SPTA1: variants seen among roughly 807,000 people sequenced by gnomAD.
SPTA1 encodes the protein spectrin alpha, erythrocytic 1, also known as spectrin alpha chain, erythrocytic 1.
In SPTA1, 177 loss-of-function variants were observed where a neutral mutation model predicts 324.7. The observed-to-expected ratio is 0.55, with a 90% CI of 0.48 to 0.62. SPTA1 has a LOEUF of 0.62. SPTA1 is among the 20% of genes least tolerant of loss of function. SPTA1 has a pLI of 0.00. For synonymous variants in SPTA1, 1,195 were observed against 1,041.3 expected (o/e 1.15, Z -2.84); for missense variants, 3,162 against 2,883.6 (o/e 1.10, Z -2.21).
At chr1:158,615,434 A>T in intron 47 of SPTA1, 31 bp from the exon 48 acceptor site, 1 of 1,611,842 alleles carries the variant, frequency 6.2e-7, no homozygotes, top group Non-Finnish European at 8.5e-7. Flanking sequence ...AGAGACAATT[A>T]GTTGCCCAGG....
Position 158,636,680 on chromosome 1 carries a change from G to A in SPTA1, c.5271C>T (p.Arg1757=), listed in dbSNP as rs924710142. 3.1e-6 allele frequency: 5 copies of A among 1,614,046 alleles called. No individual in the cohort carries two copies. Among genetic ancestry groups the A allele is most frequent in the Admixed American group, 1.7e-5 (1 of 60,000 alleles). The stretch of plus-strand genomic sequence containing the variant: ...CATGGGCCACCAGCTCCCCCTCTAG[G>A]CGTTTGTGCTTCTTCAGCAAGTTCT... The part of the protein sequence containing the change: ...GVQNLLKKHK[R]LEGELVAHEP... Residue 1757 remains arginine, a synonymous_variant, in exon 37 of 52, where the codon CGC becomes CGT. Coordinates refer to ENST00000643759, the MANE Select transcript of SPTA1 (RefSeq NM_003126.4).
At chr1:158,615,453 T>C in intron 47 of SPTA1, 50 bp from the exon 48 acceptor site, 2 of 1,585,680 alleles carry the variant, frequency 1.3e-6, no homozygotes, top group Non-Finnish European at 1.7e-6. Context: ...GGTTACCAGC[T>C]CAAAACCTAG....
intron 12 of SPTA1, 58 bp from the exon 13 acceptor site, chr1:158,669,844 C>T: frequency 6.5e-7 from 1 of 1,544,940 alleles, no homozygotes; most frequent in Non-Finnish European, 8.9e-7. Flanking sequence ...GAGTAAGTGG[C>T]CATAGTTTGG....
intron 43 of SPTA1, chr1:158,620,756 C>A: frequency 3.7e-6 from 1 of 271,724 alleles, no homozygotes. Context: ...TTTAAAATTC[C>A]AAAAGTAGCA....
In SPTA1 at chr1:158,654,739, C is replaced by G; in HGVS notation, c.2908G>C (p.Ala970Pro). The change falls in exon 21 of 52, where the codon GCT (alanine) becomes CCT (proline). Residue 970 changes from alanine to proline, a missense_variant. By Grantham distance (27) the Ala-to-Pro change is conservative. Transcript: ENST00000643759. ...CCAGCAACTCCCTCCACTGGTGCAG[C>G]CTGTTGTTGCTGAATAAAAACAGGA... Reference protein sequence around the residue: ...NQANACQQQQAAPVEGVAGEQ... With the variant: ...NQANACQQQQPAPVEGVAGEQ... 6.2e-7 allele frequency: 1 copy of G among 1,613,556 alleles called. No individual in the cohort carries two copies.
chr1:158,665,918 A>T lies in SPTA1; in HGVS notation c.2220+398T>A, dbSNP rs189263030. 5.4e-3 allele frequency among the ~76,000 whole-genome samples: 826 copies of T among 152,232 alleles called. 9 individuals are homozygous for T. The highest frequency in any genetic ancestry group is 0.014 in the Middle Eastern group (4 of 294). On this transcript the variant is annotated intron_variant, in intron 16 of 51. Coordinates refer to ENST00000643759, the MANE Select transcript of SPTA1 (RefSeq NM_003126.4). ...ATCACATAACTAGTAAGCCACAAGG[A>T]TGTATATACAACCCAGATTTCTAGA...
chr1:158,623,248 C>T (rs1425105997), intron 42 of SPTA1, 56 bp from the exon 43 acceptor site: 2 of 1,446,096 alleles, frequency 1.4e-6, no homozygotes, highest in Non-Finnish European at 1.9e-6. Flanking sequence ...GGGTCATTCA[C>T]ATCTGGGTTC....
chr1:158,671,375 C>T lies in SPTA1; in HGVS notation c.1567G>A (p.Glu523Lys), dbSNP rs1457302083. The change falls in exon 12 of 52, where the codon GAA (glutamate) becomes AAA (lysine). Residue 523 changes from glutamate (E) to lysine (K), a missense_variant. Physicochemically the swap from Glu to Lys is moderately conservative, Grantham distance 56 (BLOSUM62 1). Coordinates refer to ENST00000643759, the MANE Select transcript of SPTA1 (RefSeq NM_003126.4). ...TTCTCTTCCTGGGCAGTAAAGGCTTCCTCAAAGTCTTCATGCTTCTGAAGA... is the reference window on the plus strand; with the variant it reads ...TTCTCTTCCTGGGCAGTAAAGGCTTTCTCAAAGTCTTCATGCTTCTGAAGA... Reference protein sequence around the residue: ...ALLQKHEDFEEAFTAQEEKII... With the variant: ...ALLQKHEDFEKAFTAQEEKII... 5 of 1,613,522 alleles carry T rather than the reference C, an allele frequency of 3.1e-6. No homozygotes were observed. In the South Asian group the frequency reaches 3.3e-5, roughly 11 times the overall value.
chr1:158,626,137 C>G lies in SPTA1; in HGVS notation c.5910+9G>C, dbSNP rs1340100121. The G allele has an allele frequency of 6.2e-7, 1 of 1,612,880 alleles. No individual in the cohort carries two copies. The highest frequency in any genetic ancestry group is 1.7e-5 in the Admixed American group (1 of 59,982). ...GGTCTTGGGCTTACCTAACATCTATCAATCTCACCTGTTTTGCCAGAAGAG... is the reference window on the plus strand; with the variant it reads ...GGTCTTGGGCTTACCTAACATCTATGAATCTCACCTGTTTTGCCAGAAGAG... On this transcript the variant is annotated intron_variant, in intron 42 of 51. Coordinates refer to ENST00000643759, the MANE Select transcript of SPTA1 (RefSeq NM_003126.4).
At position 158,611,131 on chromosome 1, in the gene SPTA1, G is replaced by GCACGCACACACACA. The variant is rs1553221963; in HGVS notation, c.*132_*133insTGTGTGTGTGCGTG. 1 of 670,346 alleles carries GCACGCACACACACA rather than the reference G, an allele frequency of 1.5e-6. No homozygotes were observed. The allele number at this position is 670,346 out of a possible 1,614,324, so 41.5% of individuals were successfully genotyped here. A position where few individuals can be genotyped will look rare whatever the true frequency, so the allele number is the denominator to read the frequency against. On this transcript the variant is annotated 3_prime_UTR_variant, in exon 52 of 52. Transcript: ENST00000643759. Reference sequence around the variant, plus strand: ...AAATGTAATATGCACACAAACACAAGCACACACACACACACACACACACAC... The same window carrying GCACGCACACACACA: ...AAATGTAATATGCACACAAACACAAGCACGCACACACACACACACACACACACACACACACACAC...
intron 16 of SPTA1, among the ~76,000 whole-genome samples, chr1:158,663,231 T>C (rs2101893972): frequency 6.6e-6 from 1 of 152,300 alleles, no homozygotes; most frequent in East Asian, 1.9e-4. Flanking sequence ...TTGCAGAGTT[T>C]GATTGTTTAA....
At chr1:158,637,162 G>T (rs185195344) in intron 36 of SPTA1, among the ~76,000 whole-genome samples, 2 of 152,278 alleles carry the variant, frequency 1.3e-5, no homozygotes, top group East Asian at 3.9e-4. Flanking sequence ...AATTCAGCTA[G>T]AATGGGTATA....
chr1:158,633,075 GT>G (rs1650796434), intron 39 of SPTA1, among the ~76,000 whole-genome samples: 1 of 152,118 alleles, frequency 6.6e-6, no homozygotes, highest in Non-Finnish European at 1.5e-5. Flanking sequence ...ATCTTCAAAA[GT>G]TACATACTAT....
intron 17 of SPTA1, chr1:158,661,622 G>C (rs1653224430): frequency 3.2e-6 from 2 of 624,234 alleles, no homozygotes; most frequent in African/African-American, 3.7e-5. Context: ...TCAATTCACT[G>C]TTATACAACA....
chr1:158,650,035 T>C (rs1652307380), intron 24 of SPTA1, 88 bp from the exon 25 acceptor site: 2 of 888,214 alleles, frequency 2.3e-6, no homozygotes, highest in Non-Finnish European at 3.7e-6. Context: ...ATTTAAAACA[T>C]AGTTGTTTTT....
Position 158,632,179 on chromosome 1 carries a change from A to C in SPTA1, c.5565+2364T>G, listed in dbSNP as rs146215088. 1.2e-3 allele frequency among the ~76,000 whole-genome samples: 177 copies of C among 152,334 alleles called. 1 individual carries two copies. Among genetic ancestry groups the C allele is most frequent in the African/African-American group, 4.0e-3 (165 of 41,590 alleles). ...GAACCTTGAGGACATTACGCTAAGCAAAATAAGCCAGTTATAGAAAGATAC... is the reference window on the plus strand; with the variant it reads ...GAACCTTGAGGACATTACGCTAAGCCAAATAAGCCAGTTATAGAAAGATAC... On this transcript the variant is annotated intron_variant, in intron 39 of 51. Transcript: ENST00000643759.
rs886045377 is a variant in SPTA1, at chr1:158,610,968, C to T, written c.*296G>A. ...TCGGAATAAAGCAAAATGATAAAGA[C>T]GTGCAAAACAGAACAAATAAAAATA... On this transcript the variant is annotated 3_prime_UTR_variant, in exon 52 of 52. Transcript: ENST00000643759. 9 of 298,812 alleles carry T rather than the reference C, an allele frequency of 3.0e-5. No individual in the cohort carries two copies. Among genetic ancestry groups the T allele is most frequent in the East Asian group, 7.0e-5 (1 of 14,380 alleles). 18.5% of individuals were successfully genotyped at this position (298,812 alleles called of 1,614,324 possible).
intron 35 of SPTA1, 142 bp from the exon 36 acceptor site, chr1:158,638,383 T>C (rs937557407): frequency 1.2e-6 from 1 of 836,146 alleles, no homozygotes; most frequent in Admixed American, 2.0e-5. Context: ...GTGTTATACA[T>C]GTTAGCATAT....
chr1:158,615,017 A>C lies in SPTA1; in HGVS notation c.6788+199T>G, dbSNP rs148027583. 124 of 614,328 alleles carry C rather than the reference A, an allele frequency of 2.0e-4. No individual in the cohort carries two copies. The East Asian group carries it at 3.4e-3, about 17-fold the overall frequency. The allele number at this position is 614,328 out of a possible 1,614,324, so 38.1% of individuals were successfully genotyped here. A position where few individuals can be genotyped will look rare whatever the true frequency, so the allele number is the denominator to read the frequency against. On this transcript the variant is annotated intron_variant, in intron 48 of 51. Transcript: ENST00000643759. ...GTGGGTGATGAGTAGGCTCAGGTGGATGGAGAGCACTGTCTTTTATTTCAT... is the reference window on the plus strand; with the variant it reads ...GTGGGTGATGAGTAGGCTCAGGTGGCTGGAGAGCACTGTCTTTTATTTCAT...
Sources: gnomAD v4.1 joint callset for allele counts (sites outside exome capture counted in the v4.1 genomes callset) on GRCh38, gnomAD v4.1.1 for gene constraint, MANE v1.5 for transcripts, NCBI Gene and HGNC (gene_info 2026-07-23, HGNC 2026-07-21) for gene names.